The following SH3RF2 variants were observed in gnomAD, a reference collection of about 807,000 sequenced individuals.
SH3RF2 encodes E3 ubiquitin-protein ligase SH3RF2.
Under a neutral mutation model 59.0 loss-of-function variants are expected in SH3RF2, and 43 were observed. That is an observed-to-expected ratio of 0.73 (90% CI 0.57 to 0.94). The LOEUF is 0.94. SH3RF2 is among the 40% of genes least tolerant of loss of function. The pLI is 0.00. For synonymous variants in SH3RF2, 391 were observed against 391.5 expected (o/e 1.00, Z 0.01); for missense variants, 930 against 940.1 (o/e 0.99, Z 0.14).
intron 8 of SH3RF2, among the ~76,000 whole-genome samples, chr5:146,056,655 C>A (rs1762682189): frequency 6.6e-6 from 1 of 152,148 alleles, no homozygotes; most frequent in South Asian, 2.1e-4. Flanking sequence ...TGATCAGAGC[C>A]CCTGATTCCC....
chr5:146,023,558 G>A (rs1371524097), intron 5 of SH3RF2, among the ~76,000 whole-genome samples: 1 of 152,098 alleles, frequency 6.6e-6, no homozygotes, highest in Non-Finnish European at 1.5e-5. Context: ...GAAAGCTTCG[G>A]GCTCAATTTT....
At chr5:145,998,101 A>G (rs139528541) in intron 2 of SH3RF2, 3 of 547,088 alleles carry the variant, frequency 5.5e-6, no homozygotes, top group Non-Finnish European at 9.9e-6. Context: ...TGGGTAACTG[A>G]TACATAGAGT....
At chr5:146,077,072 C>T (rs967918893) in intron 9 of SH3RF2, among the ~76,000 whole-genome samples, 3 of 152,206 alleles carry the variant, frequency 2.0e-5, no homozygotes, top group Admixed American at 6.5e-5. Flanking sequence ...TTTTAGCTTT[C>T]TCCTTTCCTC....
At chr5:145,997,602 A>G (rs1460847226) in intron 2 of SH3RF2, 5 of 1,601,844 alleles carry the variant, frequency 3.1e-6, no homozygotes, top group Non-Finnish European at 4.3e-6. Context: ...AAAAGGTTTT[A>G]AGTTTAAGAA....
chr5:146,064,187 GGCATAAGAGTAA>G (rs1762989885), downstream of SH3RF2, among the ~76,000 whole-genome samples: 1 of 152,028 alleles, frequency 6.6e-6, no homozygotes, highest in African/African-American at 2.4e-5. Flanking sequence ...AAAGAAAGTA[GGCATAAGAGTAA>G]GAGTGAAAGA....
chr5:145,999,202 A>C lies in SH3RF2; in HGVS notation c.379-856A>C, dbSNP rs879796287. On this transcript the variant is annotated intron_variant, in intron 2 of 9. Transcript: ENST00000359120. ...TGCCAGCTTCAAACTTTTTTTCTGC[A>C]GCTTCCTCATCTCTCTCAGCCTTCA... Among the ~76,000 whole-genome samples the C allele has an allele frequency of 2.8e-4, 43 of 152,098 alleles. 1 individual carries two copies. The highest frequency in any genetic ancestry group is 1.0e-3 in the African/African-American group (42 of 41,418).
intron 4 of SH3RF2, 119 bp from the exon 5 acceptor site, chr5:146,013,628 T>A (rs1429852716): frequency 2.0e-6 from 2 of 994,254 alleles, no homozygotes; most frequent in African/African-American, 3.3e-5. Flanking sequence ...GGAATGAGCA[T>A]CTGAGCCAGT....
intron 5 of SH3RF2, among the ~76,000 whole-genome samples, chr5:146,018,220 T>C (rs774858908): frequency 6.6e-6 from 1 of 152,114 alleles, no homozygotes; most frequent in East Asian, 1.9e-4. Flanking sequence ...TTGTATCCAA[T>C]AGATAATTTT....
At chr5:146,010,263 G>T (rs1054691113) in intron 4 of SH3RF2, among the ~76,000 whole-genome samples, 26 of 152,120 alleles carry the variant, frequency 1.7e-4, no homozygotes, top group African/African-American at 5.1e-4. Context: ...CACATTTTCT[G>T]AATCCAGTCT....
chr5:146,051,248 G>C (rs752493348), intron 7 of SH3RF2, among the ~76,000 whole-genome samples: 2 of 152,190 alleles, frequency 1.3e-5, no homozygotes, highest in African/African-American at 4.8e-5. Flanking sequence ...TAATGGGGTA[G>C]CCAGGTCATA....
At chr5:145,996,239 C>T (rs767491584) in intron 2 of SH3RF2, among the ~76,000 whole-genome samples, 3 of 152,074 alleles carry the variant, frequency 2.0e-5, no homozygotes, top group Non-Finnish European at 4.4e-5. Flanking sequence ...CTCTCTATAC[C>T]CCACTGCATG....
intron 5 of SH3RF2, among the ~76,000 whole-genome samples, chr5:146,021,307 A>G (rs959363980): frequency 7.2e-5 from 11 of 152,172 alleles, no homozygotes; most frequent in Non-Finnish European, 1.5e-4. Flanking sequence ...ACAGAGATAA[A>G]TTAACTCTAT....
chr5:146,028,209 C>CACACACACACACAG (rs1491332228), intron 5 of SH3RF2, among the ~76,000 whole-genome samples: 25 of 129,072 alleles, frequency 1.9e-4, no homozygotes, highest in African/African-American at 6.7e-4. Flanking sequence ...CACACACACA[C>CACACACACACACAG]AGAGATAATT....
Position 146,000,288 on chromosome 5 carries a change from G to A in SH3RF2, c.609G>A (p.Lys203=). Residue 203 remains lysine (K), a synonymous_variant, in exon 3 of 10, where the codon AAG becomes AAA. Transcript: ENST00000359120. ...TCTACAACTTCGACCTACGAGGCAAGGACAAGAGTGAGAACCAGGATTGCC... is the reference window on the plus strand; with the variant it reads ...TCTACAACTTCGACCTACGAGGCAAAGACAAGAGTGAGAACCAGGATTGCC... ...RALYNFDLRG[K]DKSENQDCLT... 3 of 1,613,516 alleles carry A rather than the reference G, an allele frequency of 1.9e-6. No homozygotes were observed. Among genetic ancestry groups the A allele is most frequent in the South Asian group, 1.1e-5 (1 of 90,988 alleles).
intron 2 of SH3RF2, among the ~76,000 whole-genome samples, chr5:145,990,090 A>T (rs1455423902): frequency 6.6e-6 from 1 of 152,226 alleles, no homozygotes; most frequent in Admixed American, 6.5e-5. Context: ...AATTGGGGAT[A>T]TAGAGAATTG....
At chr5:146,055,756 C>A (rs375747174) in intron 7 of SH3RF2, 1 of 578,572 alleles carries the variant, frequency 1.7e-6, no homozygotes, top group South Asian at 2.1e-5. Flanking sequence ...TATGAGCCCC[C>A]CTTCCTTCCC....
intron 5 of SH3RF2, among the ~76,000 whole-genome samples, chr5:146,026,428 TTTTC>T (rs1235430055): frequency 6.6e-6 from 1 of 152,160 alleles, no homozygotes; most frequent in Non-Finnish European, 1.5e-5. Flanking sequence ...TGGGTCCCAG[TTTTC>T]TCATTGGAAT....
At chr5:146,011,259 ACC>A (rs1241134043) in intron 4 of SH3RF2, among the ~76,000 whole-genome samples, 4 of 152,210 alleles carry the variant, frequency 2.6e-5, no homozygotes, top group Non-Finnish European at 5.9e-5. Context: ...AGGTACCAGT[ACC>A]ATGCTGTTTT....
At position 146,059,895 on chromosome 5, in the gene SH3RF2, G is replaced by T; in HGVS notation, c.1585G>T (p.Gly529Trp). Residue 529 changes from glycine (G) to tryptophan (W), a missense_variant, in exon 9 of 10, where the codon GGG becomes TGG. Gly to Trp is a radical substitution (Grantham distance 184). Coordinates refer to ENST00000359120, the MANE Select transcript of SH3RF2 (RefSeq NM_152550.4). ...NGSLQRPLQS[G>W]IPTLVVGSLR... The stretch of plus-strand genomic sequence containing the variant: ...ATCCCTGCAGAGACCCCTCCAGTCC[G>T]GGATCCCCACTCTCGTGGTAGGCTC... 4 of 1,493,408 alleles carry T rather than the reference G, an allele frequency of 2.7e-6. No homozygotes were observed. Among genetic ancestry groups the T allele is most frequent in the Non-Finnish European group, 2.7e-6 (3 of 1,121,320 alleles). 92.5% of individuals were successfully genotyped at this position (1,493,408 alleles called of 1,614,324 possible).
Sources: allele counts gnomAD v4.1 joint callset (sites outside exome capture counted in the v4.1 genomes callset), GRCh38; gene constraint gnomAD v4.1.1; transcripts MANE v1.5; gene names NCBI Gene and HGNC (gene_info 2026-07-23, HGNC 2026-07-21).